LMAN1: variants seen among roughly 807,000 people sequenced by gnomAD.
The protein encoded by LMAN1 is lectin, mannose binding 1, also known as protein ERGIC-53.
In LMAN1, 32 loss-of-function variants were observed where a neutral mutation model predicts 67.8. The ratio of observed to expected loss-of-function variants is 0.47; its 90% confidence interval spans 0.36 to 0.63. LMAN1 has a LOEUF of 0.63. Among genes scored for constraint, LMAN1 ranks in the 30% least tolerant of loss-of-function variants. LMAN1 has a pLI of 0.00. For synonymous variants in LMAN1, 235 were observed against 219.3 expected (o/e 1.07, Z -0.63); for missense variants, 632 against 628.2 (o/e 1.01, Z -0.06).
In LMAN1 at chr18:59,333,218, A is replaced by C; in HGVS notation, c.1247T>G (p.Leu416Arg). The change falls in exon 11 of 13, where the codon CTG becomes CGG. Residue 416 changes from leucine to arginine, a missense_variant. Leu to Arg is a moderately radical substitution (Grantham distance 102). Coordinates refer to ENST00000251047, the MANE Select transcript of LMAN1 (RefSeq NM_005570.4). The stretch of plus-strand genomic sequence containing the variant: ...GCCAGGGTGCTGCATTCCACTGACC[A>C]GTCTGACGGTTTCACTCATGGAATT... Reference protein sequence around the residue: ...MKNSMSETVRLVSGMQHPGSA... With the variant: ...MKNSMSETVRRVSGMQHPGSA... 6.2e-7 allele frequency: 1 copy of C among 1,613,556 alleles called. No homozygotes were observed. The highest frequency in any genetic ancestry group is 8.5e-7 in the Non-Finnish European group (1 of 1,179,726).
At chr18:59,341,074 TTA>T (rs1446730086) in intron 8 of LMAN1, among the ~76,000 whole-genome samples, 1 of 152,000 alleles carries the variant, frequency 6.6e-6, no homozygotes, top group Non-Finnish European at 1.5e-5. Context: ...GTAGCTGTAC[TTA>T]TATGAGATAA....
intron 7 of LMAN1, among the ~76,000 whole-genome samples, chr18:59,346,952 C>T (rs375146159): frequency 5.9e-5 from 9 of 151,738 alleles, no homozygotes; most frequent in East Asian, 2.0e-4. Context: ...GAAGCGTGGC[C>T]GAGCGTGGTG....
chr18:59,354,565 T>A lies in LMAN1; in HGVS notation c.493A>T (p.Ile165Leu). 1 of 1,475,064 alleles carries A rather than the reference T, an allele frequency of 6.8e-7. No homozygotes were observed. The highest frequency in any genetic ancestry group is 9.5e-7 in the Non-Finnish European group (1 of 1,056,180). 91.4% of individuals were successfully genotyped at this position (1,475,064 alleles called of 1,614,324 possible). ...TGTCCATTGTTGCCTATAATTACTA[T>A]AGCAGGATTATTTTTCTAAAAAAAA... ...DNDGKKNNPA[I>L]VIIGNNGQIH... Residue 165 changes from isoleucine (I) to leucine (L), a missense_variant, in exon 4 of 13, where the codon ATA (isoleucine) becomes TTA (leucine). By Grantham distance (5) the Ile-to-Leu change is conservative. Coordinates refer to ENST00000251047, the MANE Select transcript of LMAN1 (RefSeq NM_005570.4).
intron 12 of LMAN1, 36 bp downstream of exon 12, chr18:59,331,382 G>T (rs2070746400): frequency 6.3e-7 from 1 of 1,578,076 alleles, no homozygotes; most frequent in African/African-American, 1.4e-5. Context: ...AACAGATGCA[G>T]AAAAATATTG....
Position 59,331,528 on chromosome 18 carries a change from T to A in LMAN1, c.1386A>T (p.Glu462Asp). ...GTGGTAGTTCTGGGCATTTCGGCTTTTCATTTGATGGCTGTAAGGCAAATG... is the reference window on the plus strand; with the variant it reads ...GTGGTAGTTCTGGGCATTTCGGCTTATCATTTGATGGCTGTAAGGCAAATG... ...NLVQRNMPSN[E>D]KPKCPELPPF... Residue 462 changes from glutamate (E) to aspartate (D), a missense_variant, in exon 12 of 13, where the codon GAA becomes GAT. Transcript: ENST00000251047. The A allele has an allele frequency of 6.2e-7, 1 of 1,613,320 alleles. No homozygotes were observed. Among genetic ancestry groups the A allele is most frequent in the Non-Finnish European group, 8.5e-7 (1 of 1,179,404 alleles).
chr18:59,333,314 A>G lies in LMAN1; in HGVS notation c.1221-70T>C, dbSNP rs1397368092. 4.2e-6 allele frequency: 5 copies of G among 1,201,900 alleles called. No homozygotes were observed. In the African/African-American group the frequency reaches 4.6e-5, roughly 11 times the overall value. The allele number at this position is 1,201,900 out of a possible 1,614,324, so 74.5% of individuals were successfully genotyped here. On this transcript the variant is annotated intron_variant, in intron 10 of 12. Transcript: ENST00000251047. ...TTTTTTTTTCAGTCACAGATCTCCA[A>G]TACTTTTACTTTTCAAGTCTAATAT...
Position 59,355,266 on chromosome 18 carries a change from G to A in LMAN1, c.477+47C>T, listed in dbSNP as rs200163706. On this transcript the variant is annotated intron_variant, in intron 3 of 12. Transcript: ENST00000251047. ...CTATTATTTCTCACAGCCTAACTCT[G>A]TTGATAGATGTATTAAAGTGGATAA... is the stretch of plus-strand genomic sequence containing the variant. 3.1e-5 allele frequency: 42 copies of A among 1,372,812 alleles called. No individual in the cohort carries two copies. The East Asian group carries it at 9.9e-4, about 32-fold the overall frequency. 85.0% of individuals were successfully genotyped at this position (1,372,812 alleles called of 1,614,324 possible).
chr18:59,352,915 CTAT>C, intron 5 of LMAN1: 10 of 374,176 alleles, frequency 2.7e-5, no homozygotes, highest in Non-Finnish European at 4.6e-5. Flanking sequence ...GTCTATCTAT[CTAT>C]CTACCTATCT....
chr18:59,340,568 A>T (rs1327671385), intron 8 of LMAN1, among the ~76,000 whole-genome samples: 2 of 152,216 alleles, frequency 1.3e-5, no homozygotes, highest in Non-Finnish European at 2.9e-5. Flanking sequence ...GAAGAAATAA[A>T]GCCTTTCCCA....
rs757565878 is a variant in LMAN1 at position 59,329,660 on chromosome 18, T to C, written c.*1433A>G. The C allele has an allele frequency of 2.0e-5, 3 of 152,142 alleles. No homozygotes were observed. Among genetic ancestry groups the C allele is most frequent in the African/African-American group, 7.2e-5 (3 of 41,436 alleles). 9.4% of individuals were successfully genotyped at this position (152,142 alleles called of 1,614,324 possible). A position where few individuals can be genotyped will look rare whatever the true frequency, so the allele number is the denominator to read the frequency against. ...GACTGTTTGCACACACAGCACTCGT[T>C]TGGTATTGCTATAATACAGAGTTCT... On this transcript the variant is annotated 3_prime_UTR_variant, in exon 13 of 13. Coordinates refer to ENST00000251047, the MANE Select transcript of LMAN1 (RefSeq NM_005570.4).
Position 59,330,444 on chromosome 18 carries a change from T to G in LMAN1, c.*649A>C, listed in dbSNP as rs1029248061. ...CAGAGGAATGTTTCCACCCACAAGG[T>G]TTTTTAGGCAAAAAGCAGCTATTAA... On this transcript the variant is annotated 3_prime_UTR_variant, in exon 13 of 13. Transcript: ENST00000251047. The G allele has an allele frequency of 6.6e-6, 1 of 152,240 alleles. No homozygotes were observed. The highest frequency in any genetic ancestry group is 1.5e-5 in the Non-Finnish European group (1 of 67,996). 9.4% of individuals were successfully genotyped at this position (152,240 alleles called of 1,614,324 possible).
At chr18:59,356,055 A>G (rs2144233968) in intron 1 of LMAN1, among the ~76,000 whole-genome samples, 1 of 152,336 alleles carries the variant, frequency 6.6e-6, no homozygotes, top group East Asian at 1.9e-4. Flanking sequence ...CTAGGAATCA[A>G]GAGACTTGTT....
chr18:59,359,010 C>T (rs779377950), intron 1 of LMAN1, 21 bp downstream of exon 1: 1 of 1,611,192 alleles, frequency 6.2e-7, no homozygotes, highest in Non-Finnish European at 8.5e-7. Context: ...ACCCGGCCCC[C>T]AGCCCTCTGC....
intron 4 of LMAN1, among the ~76,000 whole-genome samples, chr18:59,353,860 T>C (rs1309972803): frequency 6.6e-6 from 1 of 152,230 alleles, no homozygotes. Context: ...AGTATTTACA[T>C]ATAACGTGTA....
chr18:59,343,066 A>AC (rs1372017173), intron 8 of LMAN1, among the ~76,000 whole-genome samples: 2 of 151,702 alleles, frequency 1.3e-5, no homozygotes, highest in African/African-American at 4.8e-5. Flanking sequence ...AAAAAAAAAA[A>AC]AAACACCTAG....
At chr18:59,342,197 T>G (rs1908303974) in intron 8 of LMAN1, among the ~76,000 whole-genome samples, 1 of 151,514 alleles carries the variant, frequency 6.6e-6, no homozygotes, top group Non-Finnish European at 1.5e-5. Flanking sequence ...AAAAAAAATC[T>G]CTTAACAACA....
Position 59,347,427 on chromosome 18 carries a change from G to GA in LMAN1, c.822+85dup, listed in dbSNP as rs1908442052. ...ATATAGCAGTAACTGGCAGAAACAA[G>GA]ATCCAAACCTAAGTTAGTCTTCCAA... On this transcript the variant is annotated intron_variant, in intron 7 of 12. Coordinates refer to ENST00000251047, the MANE Select transcript of LMAN1 (RefSeq NM_005570.4). The GA allele has an allele frequency of 1.2e-5, 9 of 756,084 alleles. No homozygotes were observed. In the East Asian group the frequency reaches 3.9e-4, roughly 33 times the overall value. 46.8% of individuals were successfully genotyped at this position (756,084 alleles called of 1,614,324 possible).
rs1260620958 is a variant in LMAN1 at position 59,333,178 on chromosome 18, G to C, written c.1287C>G (p.Val429=). The C allele has an allele frequency of 6.2e-7, 1 of 1,613,378 alleles. No individual in the cohort carries two copies. The highest frequency in any genetic ancestry group is 1.3e-5 in the African/African-American group (1 of 74,848). Residue 429 remains valine (V), a synonymous_variant, in exon 11 of 13, where the codon GTC becomes GTG. Coordinates refer to ENST00000251047, the MANE Select transcript of LMAN1 (RefSeq NM_005570.4). ...GMQHPGSAGG[V]YETTQHFIDI... ...CAATGAAGTGCTGTGTTGTCTCATA[G>C]ACGCCTCCAGCAGAGCCAGGGTGCT...
chr18:59,352,435 A>C (rs1374506040), intron 5 of LMAN1, among the ~76,000 whole-genome samples: 2 of 152,200 alleles, frequency 1.3e-5, no homozygotes, highest in East Asian at 1.9e-4. Flanking sequence ...AAACCCTTTA[A>C]ACATTTTTAA....
Sources: allele counts gnomAD v4.1 joint callset (sites outside exome capture counted in the v4.1 genomes callset), GRCh38; gene constraint gnomAD v4.1.1; transcripts MANE v1.5; gene names NCBI Gene and HGNC (gene_info 2026-07-23, HGNC 2026-07-21).